Variants in MTCL1 observed in about 807,000 individuals in gnomAD.
MTCL1 encodes microtubule crosslinking factor 1, also known as microtubule cross-linking factor 1.
MTCL1 carries 79 observed loss-of-function variants against 141.4 expected under a neutral mutation model. The observed-to-expected ratio is 0.56, with a 90% CI of 0.47 to 0.67. The LOEUF is 0.67. Among genes scored for constraint, MTCL1 ranks in the 30% least tolerant of loss-of-function variants. The probability of loss-of-function intolerance (pLI) is 0.00; values close to 1 mark genes in which losing one functional copy is unlikely to be tolerated. For missense variants in MTCL1, 2,177 were observed against 2,113.9 expected (o/e 1.03, Z -0.59); for synonymous variants, 914 against 875.8 (o/e 1.04, Z -0.77).
chr18:8,754,128 T>C (rs191047267), intron 4 of MTCL1, among the ~76,000 whole-genome samples: 160 of 152,316 alleles, frequency 1.1e-3, no homozygotes, highest in African/African-American at 3.7e-3. Context: ...TGGAGTGCAG[T>C]GGCACTGTCT....
intron 4 of MTCL1, among the ~76,000 whole-genome samples, chr18:8,768,520 C>T (rs1031399285): frequency 1.3e-5 from 2 of 152,134 alleles, no homozygotes; most frequent in Non-Finnish European, 2.9e-5. Flanking sequence ...AGGAGTAACT[C>T]AGAACTTTCC....
At chr18:8,785,842 C>G (rs2096551418) in intron 6 of MTCL1, 94 bp from the exon 6 acceptor site, 3 of 1,464,242 alleles carry the variant, frequency 2.0e-6, no homozygotes, top group Non-Finnish European at 2.7e-6. Flanking sequence ...CTTTATCCCC[C>G]CTCCCTGCCT....
At chr18:8,772,478 CAAAG>C (rs911682246) in intron 4 of MTCL1, among the ~76,000 whole-genome samples, 4 of 151,660 alleles carry the variant, frequency 2.6e-5, no homozygotes, top group African/African-American at 9.7e-5. Context: ...TGAAAAGCCA[CAAAG>C]AAAGAAAATG....
intron 12 of MTCL1, among the ~76,000 whole-genome samples, chr18:8,818,195 C>T (rs1191332161): frequency 2.0e-5 from 3 of 152,198 alleles, no homozygotes; most frequent in East Asian, 1.9e-4. Flanking sequence ...TCAGGAGAGT[C>T]GGGAACTTGC....
chr18:8,713,525 T>C (rs559467851), upstream of MTCL1, among the ~76,000 whole-genome samples: 3 of 152,364 alleles, frequency 2.0e-5, no homozygotes, highest in South Asian at 4.1e-4. Context: ...AGAAAATTAA[T>C]GTAATGTTAG....
chr18:8,722,647 T>C (rs1038169730), intron 4 of MTCL1, among the ~76,000 whole-genome samples: 3 of 152,336 alleles, frequency 2.0e-5, no homozygotes, highest in East Asian at 1.9e-4. Flanking sequence ...AAGGTCTTCA[T>C]GCTCATAGTC....
chr18:8,823,023 C>CAA (rs879595081), intron 14 of MTCL1, among the ~76,000 whole-genome samples: 1 of 131,312 alleles, frequency 7.6e-6, no homozygotes. Context: ...GACTCCGTCT[C>CAA]AAAAAAAAAA....
At chr18:8,723,724 G>A (rs116609349) in intron 4 of MTCL1, among the ~76,000 whole-genome samples, 2,647 of 152,234 alleles carry the variant, frequency 0.017, 77 homozygotes, top group African/African-American at 0.061. Context: ...CGGTCTCTGA[G>A]TCCTTTCAGT....
chr18:8,709,188 C>T (rs552917418), intron 1 of MTCL1, among the ~76,000 whole-genome samples: 2 of 139,158 alleles, frequency 1.4e-5, no homozygotes, highest in African/African-American at 4.9e-5. Flanking sequence ...GGTATTTTTT[C>T]CGTTTTTTGT....
intron 4 of MTCL1, among the ~76,000 whole-genome samples, chr18:8,756,386 T>A (rs1598507261): frequency 6.6e-6 from 1 of 150,820 alleles, no homozygotes; most frequent in South Asian, 2.1e-4. Context: ...TATGTATATA[T>A]GTGTATATAT....
intron 4 of MTCL1, among the ~76,000 whole-genome samples, chr18:8,750,633 C>G (rs2096366042): frequency 6.6e-6 from 1 of 152,232 alleles, no homozygotes; most frequent in Admixed American, 6.5e-5. Context: ...GGTTACCAAC[C>G]TGGACCCCAA....
chr18:8,752,336 C>G (rs1168309841), intron 4 of MTCL1, among the ~76,000 whole-genome samples: 1 of 152,188 alleles, frequency 6.6e-6, no homozygotes, highest in Admixed American at 6.5e-5. Flanking sequence ...TTAAAGTTTT[C>G]TCTTTTACTA....
intron 4 of MTCL1, among the ~76,000 whole-genome samples, chr18:8,739,070 G>A (rs140687182): frequency 3.9e-5 from 6 of 152,032 alleles, no homozygotes; most frequent in Admixed American, 6.6e-5. Flanking sequence ...AAGACCTTGC[G>A]TCTACAAAAA....
exon 15 of MTCL1, chr18:8,825,756 C>G: frequency 6.2e-7 from 1 of 1,614,138 alleles, no homozygotes; most frequent in Non-Finnish European, 8.5e-7. Flanking sequence ...AGGGATGGCC[C>G]AGAAAGGGTA....
intron 16 of MTCL1, chr18:8,831,279 C>T (rs1428113576): frequency 8.8e-7 from 1 of 1,142,682 alleles, no homozygotes; most frequent in Non-Finnish European, 1.1e-6. Flanking sequence ...ATGAAGTGGC[C>T]TGTGGAGACC....
At position 8,718,657 on chromosome 18, in the gene MTCL1, G is replaced by C. The variant is rs757402805; in HGVS notation, c.198+9G>C. ...TGGAGCAGGACTTGAAGGTGAGTGA[G>C]GGGGTGGTGCGTGCACCTCGCAAGG... is the stretch of plus-strand genomic sequence containing the variant. On this transcript the variant is annotated intron_variant, in intron 3 of 16. Coordinates refer to ENST00000359865, the Ensembl canonical transcript of MTCL1. The C allele has an allele frequency of 2.5e-6, 4 of 1,612,008 alleles. No homozygotes were observed. Among genetic ancestry groups the C allele is most frequent in the Non-Finnish European group, 3.4e-6 (4 of 1,179,638 alleles).
intron 14 of MTCL1, among the ~76,000 whole-genome samples, chr18:8,823,269 ATC>A (rs1287567393): frequency 1.3e-5 from 2 of 152,092 alleles, no homozygotes; most frequent in African/African-American, 4.8e-5. Context: ...TGTCTTTATC[ATC>A]TCTGTTCCAC....
intron 4 of MTCL1, among the ~76,000 whole-genome samples, chr18:8,759,216 C>T (rs1317675880): frequency 6.6e-6 from 1 of 152,246 alleles, no homozygotes; most frequent in Non-Finnish European, 1.5e-5. Flanking sequence ...CAAGCATGCC[C>T]TCTGCAGAGA....
exon 7 of MTCL1, chr18:8,786,082 C>T (rs1034145570): frequency 1.9e-6 from 3 of 1,571,226 alleles, no homozygotes; most frequent in African/African-American, 1.4e-5. Context: ...AGACCTGCTT[C>T]AGCCTGGAGG....
Sources: gnomAD v4.1 joint callset for allele counts (sites outside exome capture counted in the v4.1 genomes callset) on GRCh38, gnomAD v4.1.1 for gene constraint, MANE v1.5 for transcripts, NCBI Gene and HGNC (gene_info 2026-07-23, HGNC 2026-07-21) for gene names.